FKTN: variants seen among roughly 807,000 people sequenced by gnomAD.
FKTN encodes the protein fukutin.
FKTN carries 47 observed loss-of-function variants against 58.6 expected under a neutral mutation model. The observed-to-expected ratio is 0.80, with a 90% CI of 0.63 to 1.02. The LOEUF (loss-of-function observed/expected upper bound fraction) is 1.02, where lower values mean the gene tolerates loss of function less well. FKTN is among the 50% of genes least tolerant of loss of function. The pLI, the probability that FKTN is intolerant of heterozygous loss-of-function variation, is 0.00. For missense variants in FKTN, 516 were observed against 537.3 expected (o/e 0.96, Z 0.39); for synonymous variants, 178 against 191.9 (o/e 0.93, Z 0.60).
At chr9:105,595,795 G>A (rs1273270941) in intron 3 of FKTN, among the ~76,000 whole-genome samples, 1 of 152,082 alleles carries the variant, frequency 6.6e-6, no homozygotes. Context: ...TCATTTTTAG[G>A]GTGAGACTAC....
At chr9:105,602,812 A>C (rs1828140372) in intron 5 of FKTN, among the ~76,000 whole-genome samples, 1 of 152,074 alleles carries the variant, frequency 6.6e-6, no homozygotes, top group African/African-American at 2.4e-5. Context: ...CACCTGCCTC[A>C]GCCTCCCAAA....
intron 4 of FKTN, among the ~76,000 whole-genome samples, chr9:105,597,082 C>T (rs1175304735): frequency 6.6e-6 from 1 of 152,062 alleles, no homozygotes; most frequent in Admixed American, 6.6e-5. Context: ...TGAGGGGAAA[C>T]CAGCAATATA....
At position 105,586,142 on chromosome 9, in the gene FKTN, G is replaced by C. The variant is rs78179074; in HGVS notation, c.106-10456G>C. Among the ~76,000 whole-genome samples, 1,379 of 152,252 alleles carry C rather than the reference G, an allele frequency of 9.1e-3. 22 individuals carry two copies. The highest frequency in any genetic ancestry group is 0.032 in the African/African-American group (1,320 of 41,540). Reference sequence around the variant, plus strand: ...TAGCACAGAACTACTCTTGGTCCTAGCTGGTTAGACAAGCCTAGCTTTTCT... The same window carrying C: ...TAGCACAGAACTACTCTTGGTCCTACCTGGTTAGACAAGCCTAGCTTTTCT... On this transcript the variant is annotated intron_variant, in intron 3 of 10. Transcript: ENST00000357998.
intron 10 of FKTN, among the ~76,000 whole-genome samples, chr9:105,629,500 A>G (rs1301835855): frequency 6.6e-6 from 1 of 152,214 alleles, no homozygotes; most frequent in East Asian, 1.9e-4. Flanking sequence ...GAAATCCTGT[A>G]AAAGTCTGAA....
intron 3 of FKTN, among the ~76,000 whole-genome samples, chr9:105,578,249 G>T (rs1004018742): frequency 4.0e-5 from 6 of 149,536 alleles, no homozygotes; most frequent in African/African-American, 1.5e-4. Context: ...TCTTGTGCCA[G>T]TTTTCAAAGG....
At chr9:105,601,482 C>A in intron 5 of FKTN, 134 bp downstream of exon 5, 1 of 658,086 alleles carries the variant, frequency 1.5e-6, no homozygotes, top group South Asian at 1.8e-5. Context: ...ATATTTTCAG[C>A]TATAAATAAC....
chr9:105,635,446 C>G lies in FKTN; in HGVS notation c.*182C>G. 6.9e-7 allele frequency: 1 copy of G among 1,451,464 alleles called. No homozygotes were observed. Among genetic ancestry groups the G allele is most frequent in the African/African-American group, 1.4e-5 (1 of 70,178 alleles). The allele number at this position is 1,451,464 out of a possible 1,614,324, so 89.9% of individuals were successfully genotyped here. A position where few individuals can be genotyped will look rare whatever the true frequency, so the allele number is the denominator to read the frequency against. ...TTAGTACTGAGGAATTTTCATGTGC[C>G]ACATACAATGCTAGGTTACAGTGGA... On this transcript the variant is annotated 3_prime_UTR_variant, in exon 11 of 11. Transcript: ENST00000357998.
intron 5 of FKTN, among the ~76,000 whole-genome samples, chr9:105,601,826 A>G (rs1408035746): frequency 6.6e-6 from 1 of 152,226 alleles, no homozygotes; most frequent in Non-Finnish European, 1.5e-5. Context: ...ATATTTTATA[A>G]TGTCCCTTTA....
At chr9:105,575,192 C>T (rs1209403117) in intron 3 of FKTN, 55 bp downstream of exon 3, 1 of 990,890 alleles carries the variant, frequency 1.0e-6, no homozygotes, top group African/African-American at 1.6e-5. Flanking sequence ...TGTATATTTT[C>T]TGATCACACT....
intron 10 of FKTN, among the ~76,000 whole-genome samples, chr9:105,623,832 A>G (rs1588254465): frequency 6.6e-6 from 1 of 152,350 alleles, no homozygotes; most frequent in East Asian, 1.9e-4. Flanking sequence ...TTGAAGTACC[A>G]AATCAGCCAT....
At chr9:105,614,379 ATTCT>A (rs1241570157) in intron 7 of FKTN, among the ~76,000 whole-genome samples, 1 of 152,074 alleles carries the variant, frequency 6.6e-6, no homozygotes, top group Non-Finnish European at 1.5e-5. Flanking sequence ...TGTTTATTAC[ATTCT>A]TTCATTCATT....
At chr9:105,625,297 T>C (rs1588264104) in intron 10 of FKTN, among the ~76,000 whole-genome samples, 1 of 152,308 alleles carries the variant, frequency 6.6e-6, no homozygotes, top group South Asian at 2.1e-4. Context: ...TGAATGAATA[T>C]TGTTGAATGG....
At position 105,636,802 on chromosome 9, in the gene FKTN, G is replaced by T; in HGVS notation, c.*1538G>T. 1.6e-6 allele frequency: 2 copies of T among 1,234,064 alleles called. No homozygotes were observed. Among genetic ancestry groups the T allele is most frequent in the Non-Finnish European group, 2.1e-6 (2 of 944,124 alleles). The allele number at this position is 1,234,064 out of a possible 1,614,324, so 76.4% of individuals were successfully genotyped here. ...GGAAACCTGAATGTCTGAGGGAATGGGCTGGTAGACTTTTTCGAAAACAAA... is the reference window on the plus strand; with the variant it reads ...GGAAACCTGAATGTCTGAGGGAATGTGCTGGTAGACTTTTTCGAAAACAAA... On this transcript the variant is annotated 3_prime_UTR_variant, in exon 11 of 11. Coordinates refer to ENST00000357998, the MANE Select transcript of FKTN (RefSeq NM_001079802.2).
chr9:105,639,146 C>T lies in FKTN; in HGVS notation c.*3882C>T, dbSNP rs929941043. ...AAAGTGCCACATTCCCACCTTCTAA[C>T]AGGTAATTATTAGTTGTAATAGCTT... On this transcript the variant is annotated 3_prime_UTR_variant, in exon 11 of 11. Transcript: ENST00000357998. 2.1e-4 allele frequency: 203 copies of T among 985,108 alleles called. No homozygotes were observed. The highest frequency in any genetic ancestry group is 2.4e-4 in the Non-Finnish European group (198 of 829,790). The allele number at this position is 985,108 out of a possible 1,614,324, so 61.0% of individuals were successfully genotyped here.
chr9:105,620,138 A>G, intron 10 of FKTN, 77 bp downstream of exon 10: 1 of 1,299,076 alleles, frequency 7.7e-7, no homozygotes, highest in Non-Finnish European at 1.1e-6. Flanking sequence ...GAAGTAACTG[A>G]AAAGAAAACC....
chr9:105,568,000 T>C (rs1322902255), intron 1 of FKTN, among the ~76,000 whole-genome samples: 1 of 152,160 alleles, frequency 6.6e-6, no homozygotes, highest in Non-Finnish European at 1.5e-5. Context: ...CATCTACAAC[T>C]ATCTGATCTT....
intron 5 of FKTN, among the ~76,000 whole-genome samples, chr9:105,603,328 G>A (rs1482904347): frequency 6.6e-6 from 1 of 152,156 alleles, no homozygotes; most frequent in East Asian, 1.9e-4. Flanking sequence ...GGTGTACCAA[G>A]AAAGAAAAGG....
In FKTN at chr9:105,637,179, T is replaced by G. The variant is rs1705364253; in HGVS notation, c.*1915T>G. ...TCCACCCTACTTGATGAGGACCATTTGCTTGTGCTCAGTATTTAGAAATGC... is the reference window on the plus strand; with the variant it reads ...TCCACCCTACTTGATGAGGACCATTGGCTTGTGCTCAGTATTTAGAAATGC... On this transcript the variant is annotated 3_prime_UTR_variant, in exon 11 of 11. Transcript: ENST00000357998. 1 of 985,024 alleles carries G rather than the reference T, an allele frequency of 1.0e-6. No homozygotes were observed. The highest frequency in any genetic ancestry group is 1.7e-5 in the African/African-American group (1 of 57,236). The allele number at this position is 985,024 out of a possible 1,614,324, so 61.0% of individuals were successfully genotyped here.
chr9:105,601,500 C>T, intron 5 of FKTN, 152 bp downstream of exon 5: 1 of 629,992 alleles, frequency 1.6e-6, no homozygotes, highest in South Asian at 1.9e-5. Context: ...AACAATACAA[C>T]TAATCACTAA....
Sources: gnomAD v4.1 joint callset for allele counts (sites outside exome capture counted in the v4.1 genomes callset) on GRCh38, gnomAD v4.1.1 for gene constraint, MANE v1.5 for transcripts, NCBI Gene and HGNC (gene_info 2026-07-23, HGNC 2026-07-21) for gene names.